The following HEATR5B variants were observed in gnomAD, a reference collection of about 807,000 sequenced individuals.
HEATR5B encodes HEAT repeat containing 5B.
Under a neutral mutation model 224.1 loss-of-function variants are expected in HEATR5B, and 156 were observed. That is an observed-to-expected ratio of 0.70 (90% CI 0.61 to 0.80). The LOEUF is 0.80. Ranked by LOEUF, HEATR5B falls within the 30% of genes least tolerant of loss-of-function variation. The pLI, the probability that HEATR5B is intolerant of heterozygous loss-of-function variation, is 0.00. For missense variants in HEATR5B, 2,323 were observed against 2,535.5 expected (o/e 0.92, Z 1.80); for synonymous variants, 1,027 against 893.0 (o/e 1.15, Z -2.68).
At chr2:37,071,645 A>G (rs921965437) in intron 6 of HEATR5B, among the ~76,000 whole-genome samples, 2 of 151,986 alleles carry the variant, frequency 1.3e-5, no homozygotes, top group African/African-American at 4.8e-5. Context: ...ATCACAAAAA[A>G]TGTGACTACA....
chr2:37,016,968 G>A (rs970382273), intron 26 of HEATR5B, among the ~76,000 whole-genome samples: 1 of 152,002 alleles, frequency 6.6e-6, no homozygotes, highest in Non-Finnish European at 1.5e-5. Flanking sequence ...TGAAAAGAAA[G>A]AGCTGTTACT....
In HEATR5B at chr2:36,981,351, T is replaced by C. The variant is rs943570103; in HGVS notation, c.*139A>G. 2 of 544,950 alleles carry C rather than the reference T, an allele frequency of 3.7e-6. No homozygotes were observed. Among genetic ancestry groups the C allele is most frequent in the East Asian group, 3.2e-5 (1 of 31,550 alleles). 33.8% of individuals were successfully genotyped at this position (544,950 alleles called of 1,614,324 possible). A position where few individuals can be genotyped will look rare whatever the true frequency, so the allele number is the denominator to read the frequency against. On this transcript the variant is annotated 3_prime_UTR_variant, in exon 36 of 36. Coordinates refer to ENST00000233099, the MANE Select transcript of HEATR5B (RefSeq NM_019024.3). Reference sequence around the variant, plus strand: ...AAATCAATAAGTGGTGTGAGCATTATTTCACTTAACCTACTTGGAAGCACT... The same window carrying C: ...AAATCAATAAGTGGTGTGAGCATTACTTCACTTAACCTACTTGGAAGCACT...
chr2:36,995,355 T>A (rs995573807), intron 33 of HEATR5B, among the ~76,000 whole-genome samples: 3 of 152,148 alleles, frequency 2.0e-5, no homozygotes, highest in African/African-American at 7.2e-5. Flanking sequence ...TCCTTTGGGA[T>A]TACAGGTGTG....
intron 27 of HEATR5B, among the ~76,000 whole-genome samples, chr2:37,009,202 G>T (rs1422265021): frequency 2.1e-5 from 3 of 145,966 alleles, no homozygotes; most frequent in African/African-American, 7.7e-5. Flanking sequence ...AGGTTGCAGT[G>T]AGCCGAGATC....
At chr2:37,057,852 CACAA>C (rs762390020) in intron 14 of HEATR5B, among the ~76,000 whole-genome samples, 68 of 152,104 alleles carry the variant, frequency 4.5e-4, no homozygotes, top group Admixed American at 1.0e-3. Flanking sequence ...GAAAGACACA[CACAA>C]ACAAAGATAC....
intron 29 of HEATR5B, among the ~76,000 whole-genome samples, chr2:37,006,059 G>T (rs888750673): frequency 6.6e-6 from 1 of 152,088 alleles, no homozygotes; most frequent in African/African-American, 2.4e-5. Flanking sequence ...AATACATTAA[G>T]AAAATAAATT....
Position 37,072,166 on chromosome 2 carries a change from A to G in HEATR5B, c.713T>C (p.Val238Ala), listed in dbSNP as rs1558376861. 6.2e-7 allele frequency: 1 copy of G among 1,614,112 alleles called. No homozygotes were observed. The highest frequency in any genetic ancestry group is 8.5e-7 in the Non-Finnish European group (1 of 1,179,956). The change falls in exon 6 of 36, where the codon GTG becomes GCG. Residue 238 changes from valine to alanine, a missense_variant. Transcript: ENST00000233099. ...ENSNYGVRVAVSKLLGTVMAT... is the reference protein window; with the variant it reads ...ENSNYGVRVAASKLLGTVMAT... Reference sequence around the variant, plus strand: ...CATGACTGTTCCTAAAAGTTTAGACACTGCCACTCGTACCCCATAATTTGA... The same window carrying G: ...CATGACTGTTCCTAAAAGTTTAGACGCTGCCACTCGTACCCCATAATTTGA...
chr2:37,057,877 A>G (rs955192897), intron 14 of HEATR5B, among the ~76,000 whole-genome samples: 7 of 152,228 alleles, frequency 4.6e-5, no homozygotes, highest in Admixed American at 1.3e-4. Context: ...TTTATTTTAA[A>G]TATATTAAAT....
At chr2:37,079,481 T>C in intron 2 of HEATR5B, 150 bp from the exon 3 acceptor site, 1 of 516,704 alleles carries the variant, frequency 1.9e-6, no homozygotes, top group South Asian at 2.9e-5. Context: ...TTCAAGTTAA[T>C]GAAAAGTTCT....
In HEATR5B at chr2:37,061,977, T is replaced by G; in HGVS notation, c.1658A>C (p.Gln553Pro). 6.2e-7 allele frequency: 1 copy of G among 1,613,922 alleles called. No individual in the cohort carries two copies. Among genetic ancestry groups the G allele is most frequent in the Non-Finnish European group, 8.5e-7 (1 of 1,179,854 alleles). ...TGCTCCAAGTAAAAGCCAGCCAGCT[T>G]GGGTGCGCTGTAAAGATAGCCTGCT... ...QNSRLSLQRT[Q>P]AGWLLLGALM... The change falls in exon 11 of 36, where the codon CAA (glutamine) becomes CCA (proline). Residue 553 changes from glutamine to proline, a missense_variant. By Grantham distance (76) the Gln-to-Pro change is moderately conservative (BLOSUM62 -1). Transcript: ENST00000233099.
chr2:37,002,638 A>G, intron 31 of HEATR5B, 66 bp from the exon 32 acceptor site: 1 of 1,489,580 alleles, frequency 6.7e-7, no homozygotes, highest in African/African-American at 1.4e-5. Flanking sequence ...ACACAAGTAT[A>G]TTTAGGAAAT....
chr2:37,078,314 G>T (rs79668365), intron 3 of HEATR5B, among the ~76,000 whole-genome samples: 5,425 of 152,248 alleles, frequency 0.036, 127 homozygotes, highest in Non-Finnish European at 0.053. Flanking sequence ...CATGCTTTTT[G>T]ATACCCTGTA....
intron 33 of HEATR5B, among the ~76,000 whole-genome samples, chr2:36,995,491 G>A (rs576638890): frequency 2.0e-5 from 3 of 152,080 alleles, no homozygotes; most frequent in South Asian, 4.1e-4. Flanking sequence ...TCTTGATAAA[G>A]CTAAAATAAT....
rs749020647 is a variant in HEATR5B, at chr2:37,008,769, T to C, written c.4364A>G (p.Asp1455Gly). 1.2e-6 allele frequency: 2 copies of C among 1,614,030 alleles called. No homozygotes were observed. Among genetic ancestry groups the C allele is most frequent in the Non-Finnish European group, 1.7e-6 (2 of 1,179,976 alleles). ...TTCATCGATGGTACCACAGTCGTCA[T>C]CATCATCGTCAGTATTTTTAATTGC... Reference protein sequence around the residue: ...KRAIKNTDDDDDDCGTIDELP... With the variant: ...KRAIKNTDDDGDDCGTIDELP... The change falls in exon 28 of 36, where the codon GAT (aspartate) becomes GGT (glycine). Residue 1455 changes from aspartate to glycine, a missense_variant. By Grantham distance (94) the Asp-to-Gly change is moderately conservative (BLOSUM62 -1). This residue lies in a region of HEATR5B where 844 missense variants were observed against 812.9 expected (regional missense o/e 1.04). Transcript: ENST00000233099.
chr2:36,986,761 C>A (rs564464874), intron 35 of HEATR5B, among the ~76,000 whole-genome samples: 1 of 152,048 alleles, frequency 6.6e-6, no homozygotes, highest in African/African-American at 2.4e-5. Context: ...GGATTACAGG[C>A]GCATACCACG....
rs764417563 is a variant in HEATR5B, at chr2:37,037,870, A to G, written c.3201T>C (p.Leu1067=). The change falls in exon 21 of 36, where the codon CTT becomes CTC. Residue 1067 remains leucine (L), a synonymous_variant. Coordinates refer to ENST00000233099, the MANE Select transcript of HEATR5B (RefSeq NM_019024.3). ...FAPRHVNLSS[L]VPSLCVHLCS... ...CTATACTTACACAAAGGCTAGGAAC[A>G]AGGCTAGATAGATTGACATGTCGTG... 23 of 1,559,234 alleles carry G rather than the reference A, an allele frequency of 1.5e-5. No homozygotes were observed. The highest frequency in any genetic ancestry group is 1.9e-5 in the Non-Finnish European group (22 of 1,150,038).
intron 22 of HEATR5B, among the ~76,000 whole-genome samples, chr2:37,031,230 G>T (rs915591338): frequency 6.6e-6 from 1 of 152,044 alleles, no homozygotes; most frequent in Non-Finnish European, 1.5e-5. Flanking sequence ...ACACAGCCAG[G>T]AAAATGCCTA....
chr2:36,995,788 T>C (rs1213961853), intron 33 of HEATR5B, among the ~76,000 whole-genome samples: 3 of 152,226 alleles, frequency 2.0e-5, no homozygotes, highest in Non-Finnish European at 4.4e-5. Context: ...TTCTTCCCAT[T>C]GCCAGATATA....
intron 33 of HEATR5B, among the ~76,000 whole-genome samples, chr2:36,994,458 TA>T (rs1362504799): frequency 6.6e-6 from 1 of 152,126 alleles, no homozygotes; most frequent in Non-Finnish European, 1.5e-5. Flanking sequence ...ATAATGGAAA[TA>T]CTCTATTATA....
Sources: allele counts gnomAD v4.1 joint callset (sites outside exome capture counted in the v4.1 genomes callset), GRCh38; gene constraint gnomAD v4.1.1; regional missense constraint gnomAD v4.1.1; transcripts MANE v1.5; gene names NCBI Gene and HGNC (gene_info 2026-07-23, HGNC 2026-07-21).